The following AMMECR1 variants were observed in gnomAD, a reference collection of about 807,000 sequenced individuals.
The protein encoded by AMMECR1 is AMMECR nuclear protein 1, also known as nuclear protein AMMECR1.
Under a neutral mutation model 22.5 loss-of-function variants are expected in AMMECR1, and 3 were observed. The ratio of observed to expected loss-of-function variants is 0.13; its 90% confidence interval spans 0.06 to 0.35. AMMECR1 has a LOEUF of 0.35. AMMECR1 is among the 10% of genes least tolerant of loss of function. AMMECR1 has a pLI of 1.00. For missense variants in AMMECR1, 235 were observed against 278.7 expected (o/e 0.84, Z 1.12); for synonymous variants, 130 against 116.7 (o/e 1.11, Z -0.74).
chrX:110,346,048 T>A (rs1308504776), intron 2 of AMMECR1, among the ~76,000 whole-genome samples: 11 of 112,178 alleles, frequency 9.8e-5, no homozygotes, highest in African/African-American at 3.6e-4. Context: ...TACTAAGCAA[T>A]TTTGGTTTTT....
At chrX:110,295,061 G>A (rs1268566235) in intron 1 of AMMECR1, among the ~76,000 whole-genome samples, 1 of 110,290 alleles carries the variant, frequency 9.1e-6, no homozygotes, top group African/African-American at 3.3e-5. Context: ...TTATTGATGT[G>A]CCATAATTAT....
chrX:110,365,393 C>A (rs778121540), intron 2 of AMMECR1, among the ~76,000 whole-genome samples: 2 of 112,355 alleles, frequency 1.8e-5, no homozygotes, highest in South Asian at 7.4e-4. Flanking sequence ...ATTTACAATT[C>A]CAGCCAATAA....
intron 2 of AMMECR1, among the ~76,000 whole-genome samples, chrX:110,416,344 C>G (rs1243590355): frequency 2.7e-5 from 3 of 112,087 alleles, no homozygotes; most frequent in Admixed American, 9.4e-5. Context: ...TTTAACGAAC[C>G]GTTGTTTAAT....
chrX:110,228,247 C>G (rs762647615), intron 2 of AMMECR1, among the ~76,000 whole-genome samples: 1 of 111,617 alleles, frequency 9.0e-6, no homozygotes. Flanking sequence ...AAACTCAAAA[C>G]AGCCCCATGA....
chrX:110,435,247 A>C (rs762323989), intron 1 of AMMECR1, among the ~76,000 whole-genome samples: 1 of 111,607 alleles, frequency 9.0e-6, no homozygotes, highest in South Asian at 3.8e-4. Flanking sequence ...AGGACAGGAC[A>C]GTCACTTCAG....
intron 2 of AMMECR1, among the ~76,000 whole-genome samples, chrX:110,354,039 A>G (rs1038217893): frequency 8.9e-6 from 1 of 112,520 alleles, no homozygotes; most frequent in Non-Finnish European, 1.9e-5. Flanking sequence ...ATATGGAAAG[A>G]TATCCCATGC....
chrX:110,402,121 G>T (rs1451002312), intron 2 of AMMECR1, among the ~76,000 whole-genome samples: 1 of 112,290 alleles, frequency 8.9e-6, no homozygotes, highest in Non-Finnish European at 1.9e-5. Context: ...ATATCAAACT[G>T]CATGACCTGA....
intron 1 of AMMECR1, among the ~76,000 whole-genome samples, chrX:110,302,149 A>C (rs2067970308): frequency 1.8e-5 from 2 of 111,903 alleles, no homozygotes; most frequent in Admixed American, 1.9e-4. Context: ...TATATGCATA[A>C]GAGAAAAAGA....
chrX:110,286,636 C>T (rs2148210361), intron 1 of AMMECR1, among the ~76,000 whole-genome samples: 1 of 105,684 alleles, frequency 9.5e-6, no homozygotes, highest in South Asian at 4.5e-4. Context: ...TGTGCCACTG[C>T]CCTCCAGCCT....
At chrX:110,369,160 G>A (rs190116417) in intron 2 of AMMECR1, among the ~76,000 whole-genome samples, 28 of 110,856 alleles carry the variant, frequency 2.5e-4, no homozygotes, top group African/African-American at 6.2e-4. Flanking sequence ...GTGAAACCCC[G>A]TCTCTACTAA....
intron 2 of AMMECR1, among the ~76,000 whole-genome samples, chrX:110,325,450 AT>A (rs1341659508): frequency 4.5e-5 from 5 of 111,780 alleles, no homozygotes; most frequent in Non-Finnish European, 7.5e-5. Context: ...GGGAGTTTTT[AT>A]TATTACTGAC....
chrX:110,300,794 A>G (rs777170529), intron 1 of AMMECR1, among the ~76,000 whole-genome samples: 26 of 112,241 alleles, frequency 2.3e-4, no homozygotes, highest in Non-Finnish European at 4.5e-4. Context: ...CTGTGGCTTC[A>G]TTTATCCTCT....
Position 110,402,753 on chromosome X carries a change from A to G in AMMECR1, c.-148+23905T>C, listed in dbSNP as rs368455132. On this transcript the variant is annotated intron_variant, in intron 2 of 7. Coordinates refer to the AMMECR1 transcript ENST00000372057. ...GCTTTTGGAGGGAGGTCTAAAGACAAAAAGAGGGCTTTAGTTATTTTTTGA... is the reference window on the plus strand; with the variant it reads ...GCTTTTGGAGGGAGGTCTAAAGACAGAAAGAGGGCTTTAGTTATTTTTTGA... 1.8e-4 allele frequency among the ~76,000 whole-genome samples: 20 copies of G among 112,508 alleles called. No homozygotes were observed. In the East Asian group the frequency reaches 5.6e-3, roughly 32 times the overall value.
rs753993816 is a variant in AMMECR1, at chrX:110,196,702, G to C, written c.*1818C>G. ...ACTGAAAATGGTTATTTCAACAATGGATGCTGTGGATGAAGGAATACCAAC... is the reference window on the plus strand; with the variant it reads ...ACTGAAAATGGTTATTTCAACAATGCATGCTGTGGATGAAGGAATACCAAC... On this transcript the variant is annotated 3_prime_UTR_variant, in exon 6 of 6. Coordinates refer to ENST00000262844, the MANE Select transcript of AMMECR1 (RefSeq NM_015365.3). The C allele has an allele frequency of 1.4e-4, 16 of 111,838 alleles. No homozygotes were observed. The highest frequency in any genetic ancestry group is 4.9e-4 in the African/African-American group (15 of 30,856). 9.2% of individuals were successfully genotyped at this position (111,838 alleles called of 1,213,427 possible).
intron 1 of AMMECR1, among the ~76,000 whole-genome samples, chrX:110,272,720 A>G (rs753090754): frequency 1.8e-5 from 2 of 111,638 alleles, no homozygotes; most frequent in Admixed American, 9.5e-5. Context: ...CTTTATGTCC[A>G]TGTGTACTCA....
At chrX:110,428,251 C>G (rs1286990793) in intron 1 of AMMECR1, among the ~76,000 whole-genome samples, 1 of 111,705 alleles carries the variant, frequency 9.0e-6, no homozygotes, top group Non-Finnish European at 1.9e-5. Context: ...GACCCTTTCT[C>G]TAGGCTCCCG....
chrX:110,289,860 T>C (rs1237219408), intron 1 of AMMECR1, among the ~76,000 whole-genome samples: 1 of 111,966 alleles, frequency 8.9e-6, no homozygotes, highest in South Asian at 3.7e-4. Context: ...AGCATTCTTA[T>C]AATTGTACTG....
At chrX:110,401,785 A>T (rs1300327222) in intron 2 of AMMECR1, among the ~76,000 whole-genome samples, 1 of 112,107 alleles carries the variant, frequency 8.9e-6, no homozygotes, top group Non-Finnish European at 1.9e-5. Context: ...CTCCCCTGTA[A>T]AATGGATCTA....
At chrX:110,395,076 T>C (rs759279795) in intron 2 of AMMECR1, among the ~76,000 whole-genome samples, 3 of 112,736 alleles carry the variant, frequency 2.7e-5, no homozygotes, top group East Asian at 2.8e-4. Flanking sequence ...AAAGCATTTG[T>C]CATGGAAGGT....
Sources: gnomAD v4.1 joint callset for allele counts (sites outside exome capture counted in the v4.1 genomes callset) on GRCh38, gnomAD v4.1.1 for gene constraint, MANE v1.5 for transcripts, NCBI Gene and HGNC (gene_info 2026-07-23, HGNC 2026-07-21) for gene names.